SMYD3: variants seen among roughly 807,000 people sequenced by gnomAD.
SMYD3 encodes SET and MYND domain containing 3, also known as histone-lysine N-methyltransferase SMYD3.
SMYD3 carries 36 observed loss-of-function variants against 57.7 expected under a neutral mutation model. The ratio of observed to expected loss-of-function variants is 0.62; its 90% CI spans 0.48 to 0.82. The LOEUF (loss-of-function observed/expected upper bound fraction) is 0.82, where lower values mean the gene tolerates loss of function less well. Among genes scored for constraint, SMYD3 ranks in the 40% least tolerant of loss-of-function variants. The pLI is 0.00. For missense variants in SMYD3, 515 were observed against 538.8 expected (o/e 0.96, Z 0.44); for synonymous variants, 211 against 195.0 (o/e 1.08, Z -0.68).
chr1:246,430,917 G>A (rs779134353), intron 1 of SMYD3, among the ~76,000 whole-genome samples: 5 of 152,158 alleles, frequency 3.3e-5, no homozygotes, highest in Admixed American at 1.3e-4. Flanking sequence ...AGGAACGTGG[G>A]AAAAGAGTAT....
chr1:246,005,079 G>A (rs1197440955), intron 5 of SMYD3, among the ~76,000 whole-genome samples: 3 of 152,166 alleles, frequency 2.0e-5, no homozygotes, highest in South Asian at 4.2e-4. Flanking sequence ...AAACTCCTGC[G>A]CTCAGGCCAT....
At chr1:246,271,707 A>G (rs2064226857) in intron 5 of SMYD3, among the ~76,000 whole-genome samples, 1 of 152,232 alleles carries the variant, frequency 6.6e-6, no homozygotes, top group African/African-American at 2.4e-5. Flanking sequence ...GTAGCTTCTT[A>G]GCAAATTTTG....
At position 246,143,535 on chromosome 1, in the gene SMYD3, G is replaced by T. The variant is rs2061796055; in HGVS notation, c.531+183666C>A. 2.0e-5 allele frequency among the ~76,000 whole-genome samples: 3 copies of T among 152,062 alleles called. No homozygotes were observed. In the East Asian group the frequency reaches 5.8e-4, roughly 29 times the overall value. On this transcript the variant is annotated intron_variant, in intron 5 of 11. Transcript: ENST00000490107. ...TACAAAAAATCAGCCGGCTATAGAGGCATGTGGCTACGGTCCCAGCTACTT... is the reference window on the plus strand; with the variant it reads ...TACAAAAAATCAGCCGGCTATAGAGTCATGTGGCTACGGTCCCAGCTACTT...
At chr1:245,852,890 G>A (rs1007600607) in intron 10 of SMYD3, among the ~76,000 whole-genome samples, 6 of 152,122 alleles carry the variant, frequency 3.9e-5, no homozygotes, top group African/African-American at 1.2e-4. Context: ...CAAACAGAAA[G>A]AGGCCCTGAT....
At chr1:245,920,883 A>C (rs141645151) in intron 7 of SMYD3, among the ~76,000 whole-genome samples, 7 of 152,348 alleles carry the variant, frequency 4.6e-5, no homozygotes, top group Non-Finnish European at 8.8e-5. Context: ...CAGCTTTCGG[A>C]AAGAACATAT....
intron 8 of SMYD3, among the ~76,000 whole-genome samples, chr1:245,885,768 T>A (rs4233246): frequency 6.6e-6 from 1 of 152,202 alleles, no homozygotes; most frequent in African/African-American, 2.4e-5. Context: ...AAAAGACAAT[T>A]ACATAAAATT....
At chr1:245,879,672 T>C (rs777927963) in intron 8 of SMYD3, among the ~76,000 whole-genome samples, 4 of 152,228 alleles carry the variant, frequency 2.6e-5, no homozygotes, top group Non-Finnish European at 4.4e-5. Flanking sequence ...CCAGCTGAAC[T>C]ATATTCCAGG....
chr1:246,225,345 AAAAAAAAAAAAAC>A (rs2063314720), intron 5 of SMYD3, among the ~76,000 whole-genome samples: 8 of 141,350 alleles, frequency 5.7e-5, no homozygotes, highest in African/African-American at 1.7e-4. Flanking sequence ...AAAAAAAAAA[AAAAAAAAAAAAAC>A]AGAAAAGACA....
chr1:246,506,906 G>A, intron 1 of SMYD3, 148 bp downstream of exon 1: 1 of 727,556 alleles, frequency 1.4e-6, no homozygotes, highest in Non-Finnish European at 2.0e-6. Context: ...CCGCCCCCGG[G>A]CACACGCGCG....
chr1:246,254,468 G>A (rs896645950), intron 5 of SMYD3, among the ~76,000 whole-genome samples: 2 of 152,104 alleles, frequency 1.3e-5, no homozygotes, highest in Admixed American at 6.5e-5. Flanking sequence ...TTATTTTGGG[G>A]TTCTCCACTC....
chr1:246,316,506 T>C (rs1437291984), intron 5 of SMYD3, among the ~76,000 whole-genome samples: 1 of 149,576 alleles, frequency 6.7e-6, no homozygotes, highest in Non-Finnish European at 1.5e-5. Flanking sequence ...ATTACAGGCA[T>C]GAGCCACCAC....
At chr1:245,915,316 T>G (rs2055325218) in intron 8 of SMYD3, among the ~76,000 whole-genome samples, 1 of 152,204 alleles carries the variant, frequency 6.6e-6, no homozygotes, top group Non-Finnish European at 1.5e-5. Context: ...CCACAGATCC[T>G]TACCTTTGGT....
intron 5 of SMYD3, among the ~76,000 whole-genome samples, chr1:245,991,699 CGAGA>C (rs2058816918): frequency 6.6e-6 from 1 of 152,210 alleles, no homozygotes; most frequent in South Asian, 2.1e-4. Context: ...CCAAGTGACC[CGAGA>C]GAGAGATTCT....
chr1:245,903,139 C>T (rs1054119990), intron 8 of SMYD3, among the ~76,000 whole-genome samples: 11 of 151,864 alleles, frequency 7.2e-5, no homozygotes, highest in African/African-American at 2.2e-4. Flanking sequence ...AAAGAGATAT[C>T]GTAAAAAGAA....
Position 246,138,616 on chromosome 1 carries a change from G to T in SMYD3, c.531+188585C>A, listed in dbSNP as rs111458593. ...AATTTTTTGTATTTTTAGTAGAGAC[G>T]GGGTTTCACCGTGTTAGCCAGGATG... On this transcript the variant is annotated intron_variant, in intron 5 of 11. Transcript: ENST00000490107. Among the ~76,000 whole-genome samples, 1,129 of 143,184 alleles carry T rather than the reference G, an allele frequency of 7.9e-3. 12 individuals are homozygous for T. The highest frequency in any genetic ancestry group is 0.026 in the African/African-American group (1,060 of 40,608). The allele number at this position is 143,184 out of a possible 152,430, so 93.9% of individuals were successfully genotyped here.
At chr1:245,792,168 G>A (rs1404036194) in intron 10 of SMYD3, among the ~76,000 whole-genome samples, 1 of 152,046 alleles carries the variant, frequency 6.6e-6, no homozygotes, top group Non-Finnish European at 1.5e-5. Context: ...TATTTATTGA[G>A]AACCCACAAT....
intron 10 of SMYD3, among the ~76,000 whole-genome samples, chr1:245,788,709 C>G (rs1021365879): frequency 1.9e-4 from 29 of 152,276 alleles, no homozygotes; most frequent in African/African-American, 7.0e-4. Flanking sequence ...AGGTCTGCTT[C>G]CTAGTTCCAT....
At chr1:246,447,841 C>G (rs2067571509) in intron 1 of SMYD3, among the ~76,000 whole-genome samples, 1 of 152,160 alleles carries the variant, frequency 6.6e-6, no homozygotes, top group South Asian at 2.1e-4. Flanking sequence ...AATTGCTTTC[C>G]TCCCACTTTT....
chr1:245,982,524 T>C (rs888859443), intron 5 of SMYD3, among the ~76,000 whole-genome samples: 3 of 152,224 alleles, frequency 2.0e-5, no homozygotes, highest in South Asian at 2.1e-4. Context: ...TCTAATATAA[T>C]AGTAAAGGCT....
Sources: allele counts gnomAD v4.1 joint callset (sites outside exome capture counted in the v4.1 genomes callset), GRCh38; gene constraint gnomAD v4.1.1; transcripts MANE v1.5; gene names NCBI Gene and HGNC (gene_info 2026-07-23, HGNC 2026-07-21).